SHANK2: variants seen among roughly 807,000 people sequenced by gnomAD.
SHANK2 encodes the protein SH3 and multiple ankyrin repeat domains 2, also known as SH3 and multiple ankyrin repeat domains protein 2.
In SHANK2, 43 loss-of-function variants were observed where a neutral mutation model predicts 133.7. That is an observed-to-expected ratio of 0.32 (90% CI 0.25 to 0.41). SHANK2 has a LOEUF of 0.41. SHANK2 is among the 10% of genes least tolerant of loss of function. SHANK2 has a pLI of 1.00. For missense variants in SHANK2, 1,994 were observed against 2,235.8 expected (o/e 0.89, Z 2.18); for synonymous variants, 1,017 against 952.8 (o/e 1.07, Z -1.24).
chr11:71,123,374 G>A (rs1197670068), intron 3 of SHANK2, among the ~76,000 whole-genome samples: 1 of 152,206 alleles, frequency 6.6e-6, no homozygotes, highest in African/African-American at 2.4e-5. Context: ...ATGCTAACAC[G>A]AGCTCCCTTG....
At chr11:70,537,058 G>C (rs1554974290) in intron 17 of SHANK2, among the ~76,000 whole-genome samples, 1 of 152,330 alleles carries the variant, frequency 6.6e-6, no homozygotes, top group African/African-American at 2.4e-5. Context: ...AGGGGTGGGG[G>C]CACGGTCTGC....
At chr11:71,244,373 C>G (rs781958907) in intron 1 of SHANK2, among the ~76,000 whole-genome samples, 5 of 152,240 alleles carry the variant, frequency 3.3e-5, no homozygotes, top group Admixed American at 6.5e-5. Context: ...TTCAAAGCAC[C>G]CTTTGGACCA....
intron 4 of SHANK2, among the ~76,000 whole-genome samples, chr11:71,117,358 G>A (rs189341484): frequency 2.0e-5 from 3 of 152,316 alleles, no homozygotes; most frequent in African/African-American, 4.8e-5. Flanking sequence ...AGACTATCGC[G>A]AGGAATATGA....
intron 14 of SHANK2, among the ~76,000 whole-genome samples, chr11:70,760,280 C>T (rs989661918): frequency 6.6e-6 from 1 of 152,226 alleles, no homozygotes; most frequent in East Asian, 1.9e-4. Context: ...CCCGTTCCAC[C>T]CTCACCTCCT....
Position 70,489,192 on chromosome 11 carries a change from G to C in SHANK2, c.2572+136C>G, listed in dbSNP as rs1206605478. 4 of 858,782 alleles carry C rather than the reference G, an allele frequency of 4.7e-6. No individual in the cohort carries two copies. The East Asian group carries it at 9.7e-5, about 21-fold the overall frequency. The allele number at this position is 858,782 out of a possible 1,614,324, so 53.2% of individuals were successfully genotyped here. A position where few individuals can be genotyped will look rare whatever the true frequency, so the allele number is the denominator to read the frequency against. ...ATTGCAAAGATGGCTCGTTCAAAGT[G>C]TTCTCCATTGACCAGTCACTCTGAG... On this transcript the variant is annotated intron_variant, in intron 24 of 25. Transcript: ENST00000601538.
chr11:71,139,763 G>A (rs1388651681), intron 3 of SHANK2, among the ~76,000 whole-genome samples: 2 of 152,148 alleles, frequency 1.3e-5, no homozygotes, highest in Non-Finnish European at 2.9e-5. Flanking sequence ...GCGTGGCCCG[G>A]GAAGCCCACC....
intron 14 of SHANK2, among the ~76,000 whole-genome samples, chr11:70,724,344 A>G (rs892395070): frequency 1.3e-5 from 2 of 152,188 alleles, no homozygotes; most frequent in Non-Finnish European, 2.9e-5. Context: ...CTCAAAGTTC[A>G]TTCTTACACT....
chr11:70,494,670 G>A (rs947914374), intron 21 of SHANK2, among the ~76,000 whole-genome samples: 53 of 152,308 alleles, frequency 3.5e-4, no homozygotes, highest in African/African-American at 1.2e-3. Context: ...TGGCTGTCAC[G>A]CCCAGCACAC....
intron 17 of SHANK2, chr11:70,634,916 G>T (rs531246997): frequency 6.6e-6 from 1 of 152,304 alleles, no homozygotes; most frequent in South Asian, 2.1e-4. Flanking sequence ...CTCCAAAGAA[G>T]AGATACAAAT....
intron 18 of SHANK2, 54 bp downstream of exon 18, chr11:70,502,742 C>A (rs868942847): frequency 3.2e-5 from 14 of 434,406 alleles, no homozygotes; most frequent in Middle Eastern, 9.2e-4. Flanking sequence ...CCCGCCCCCA[C>A]CCCCCCCCCC....
At chr11:70,871,813 G>C (rs910969893) in intron 11 of SHANK2, among the ~76,000 whole-genome samples, 1 of 152,148 alleles carries the variant, frequency 6.6e-6, no homozygotes, top group Non-Finnish European at 1.5e-5. Context: ...TTGACTGAGA[G>C]ACTCTTTGAA....
rs551752646 is a variant in SHANK2, at chr11:70,657,771, T to C, written c.2061+2057A>G. On this transcript the variant is annotated intron_variant, in intron 17 of 25. Transcript: ENST00000601538. The stretch of plus-strand genomic sequence containing the variant: ...CCCCAAAATGGCAAATCTATTTGCA[T>C]ACCAGAGGTTAAAAGCAATGTCAGA... 3.2e-4 allele frequency among the ~76,000 whole-genome samples: 48 copies of C among 152,332 alleles called. 2 individuals carry two copies. The South Asian group carries it at 6.6e-3, about 21-fold the overall frequency.
At chr11:70,605,687 G>GCT (rs1554992166) in intron 17 of SHANK2, among the ~76,000 whole-genome samples, 5 of 152,240 alleles carry the variant, frequency 3.3e-5, no homozygotes, top group Non-Finnish European at 7.3e-5. Flanking sequence ...GGAACGCAGA[G>GCT]CTCAACTGCA....
At chr11:70,702,301 C>T (rs1283977207) in intron 14 of SHANK2, among the ~76,000 whole-genome samples, 1 of 150,236 alleles carries the variant, frequency 6.7e-6, no homozygotes, top group Non-Finnish European at 1.5e-5. Flanking sequence ...ATCTTCTTCA[C>T]CATCATCACA....
At chr11:70,544,945 T>G (rs1554975951) in intron 17 of SHANK2, among the ~76,000 whole-genome samples, 2 of 152,150 alleles carry the variant, frequency 1.3e-5, no homozygotes, top group African/African-American at 4.8e-5. Context: ...CTGCGGCCTC[T>G]GGGGATGGGC....
At chr11:70,947,264 A>G (rs113624099) in intron 10 of SHANK2, among the ~76,000 whole-genome samples, 9,366 of 151,836 alleles carry the variant, frequency 0.062, 961 homozygotes, top group African/African-American at 0.21. Context: ...CTGGACTAAG[A>G]ACCCATCAAC....
At chr11:70,527,675 T>G (rs2000602) in intron 17 of SHANK2, among the ~76,000 whole-genome samples, 14,029 of 152,312 alleles carry the variant, frequency 0.092, 1,088 homozygotes, top group East Asian at 0.41. Flanking sequence ...CCCAAATCTC[T>G]CTGGCCATTC....
Position 70,485,691 on chromosome 11 carries a change from T to G in SHANK2, c.4602A>C (p.Ala1534=). 6.2e-7 allele frequency: 1 copy of G among 1,614,132 alleles called. No homozygotes were observed. Among genetic ancestry groups the G allele is most frequent in the Non-Finnish European group, 8.5e-7 (1 of 1,180,034 alleles). ...GENVDTCTVY[A]DGQAFMVDKP... ...TGTCAACCATAAATGCTTGCCCATC[T>G]GCATAGACTGTGCAGGTGTCCACAT... Residue 1534 remains alanine, a synonymous_variant, in exon 25 of 26, where the codon GCA becomes GCC. Transcript: ENST00000601538. This position sits in a 1 kb window ranked among gnomAD's most constrained non-coding sequence, Gnocchi z 5.8.
At chr11:71,190,511 T>C (rs781850291) in intron 2 of SHANK2, among the ~76,000 whole-genome samples, 1 of 151,520 alleles carries the variant, frequency 6.6e-6, no homozygotes, top group East Asian at 2.0e-4. Flanking sequence ...TGGCTCACCA[T>C]TGTCTGGAAA....
Sources: gnomAD v4.1 joint callset for allele counts (sites outside exome capture counted in the v4.1 genomes callset) on GRCh38, gnomAD v4.1.1 for gene constraint, Gnocchi (gnomAD v3.1) non-coding constraint, MANE v1.5 for transcripts, NCBI Gene and HGNC (gene_info 2026-07-23, HGNC 2026-07-21) for gene names.